GABRA2: variants seen among roughly 807,000 people sequenced by gnomAD.
GABRA2 encodes gamma-aminobutyric acid receptor subunit alpha-2.
In GABRA2, 16 loss-of-function variants were observed where a neutral mutation model predicts 48.7. The observed-to-expected ratio is 0.33, with a 90% confidence interval of 0.22 to 0.50. The LOEUF (loss-of-function observed/expected upper bound fraction) is 0.50, where lower values mean the gene tolerates loss of function less well. GABRA2 is among the 20% of genes least tolerant of loss of function. GABRA2 has a pLI of 0.98. For missense variants in GABRA2, 275 were observed against 535.6 expected (o/e 0.51, Z 4.80); for synonymous variants, 185 against 184.5 (o/e 1.00, Z -0.02).
At chr4:46,265,538 C>A (rs968934008) in intron 8 of GABRA2, among the ~76,000 whole-genome samples, 6 of 138,820 alleles carry the variant, frequency 4.3e-5, no homozygotes, top group Non-Finnish European at 8.9e-5. Flanking sequence ...GTCCCATCTT[C>A]TTTCCTGATT....
At position 46,353,603 on chromosome 4, in the gene GABRA2, C is replaced by T. The variant is rs143600142; in HGVS notation, c.188-20921G>A. On this transcript the variant is annotated intron_variant, in intron 3 of 9. Transcript: ENST00000381620. ...TTTGCCTCCTTTCTCTGGGCATACT[C>T]CTGTTTCACATCTTTTGAACTGAAT... is the stretch of plus-strand genomic sequence containing the variant. Among the ~76,000 whole-genome samples, 1,053 of 152,190 alleles carry T rather than the reference C, an allele frequency of 6.9e-3. 16 individuals are homozygous for T. The highest frequency in any genetic ancestry group is 0.025 in the African/African-American group (1,022 of 41,544).
intron 6 of GABRA2, among the ~76,000 whole-genome samples, chr4:46,309,018 G>A (rs279864): frequency 0.5 from 76,655 of 151,964 alleles, 20,565 homozygotes; most frequent in African/African-American, 0.69. Context: ...TCTCAGCATC[G>A]TGTTTACATT....
intron 3 of GABRA2, among the ~76,000 whole-genome samples, chr4:46,341,937 T>C (rs1733313433): frequency 6.6e-6 from 1 of 152,034 alleles, no homozygotes. Context: ...GAAATAGAGC[T>C]GTCCACAAGA....
intron 5 of GABRA2, among the ~76,000 whole-genome samples, chr4:46,310,843 G>A (rs1180671510): frequency 6.6e-6 from 1 of 152,136 alleles, no homozygotes; most frequent in African/African-American, 2.4e-5. Context: ...AATTACGAAT[G>A]TTAAATATAT....
intron 2 of GABRA2, among the ~76,000 whole-genome samples, chr4:46,387,983 A>G (rs2109386524): frequency 6.6e-6 from 1 of 152,304 alleles, no homozygotes; most frequent in Middle Eastern, 3.4e-3. Context: ...AGCAATAAAA[A>G]TTAATTTCAT....
chr4:46,267,803 A>G (rs1051879337), intron 8 of GABRA2, among the ~76,000 whole-genome samples: 1 of 152,016 alleles, frequency 6.6e-6, no homozygotes, highest in African/African-American at 2.4e-5. Flanking sequence ...TAACAGAATG[A>G]CGATCCCTCA....
chr4:46,304,345 T>C (rs1167209887), intron 7 of GABRA2, among the ~76,000 whole-genome samples: 1 of 152,210 alleles, frequency 6.6e-6, no homozygotes, highest in Non-Finnish European at 1.5e-5. Context: ...CTGTTATATG[T>C]CTGTGCTAAT....
At position 46,389,802 on chromosome 4, in the gene GABRA2, G is replaced by GGGGAGAGAGAGAGAGAGA. The variant is rs1553928580; in HGVS notation, c.-79_-78insTCTCTCTCTCTCTCTCCC. 1.5e-5 allele frequency: 4 copies of GGGGAGAGAGAGAGAGAGA among 268,270 alleles called. No individual in the cohort carries two copies. The highest frequency in any genetic ancestry group is 4.6e-4 in the Admixed American group (1 of 2,182). The allele number at this position is 268,270 out of a possible 1,614,324, so 16.6% of individuals were successfully genotyped here. ...TGATCTTGACGAGATAGGAAACTTGGGAGAGAGAGAGAGAGAGAGAGAGAG... is the reference window on the plus strand; with the variant it reads ...TGATCTTGACGAGATAGGAAACTTGGGGGAGAGAGAGAGAGAGAGAGAGAGAGAGAGAGAGAGAGAGAG... On this transcript the variant is annotated 5_prime_UTR_variant, in exon 1 of 10. Transcript: ENST00000381620.
rs1042793729 is a variant in GABRA2, at chr4:46,246,031, T to G, written c.*4277A>C. On this transcript the variant is annotated 3_prime_UTR_variant, in exon 10 of 10. Transcript: ENST00000381620. Reference sequence around the variant, plus strand: ...GATATATAATATTTATAAGTAGATATTGAATAATTTACCTTCCCAAATGAC... The same window carrying G: ...GATATATAATATTTATAAGTAGATAGTGAATAATTTACCTTCCCAAATGAC... Among the ~76,000 whole-genome samples the G allele has an allele frequency of 6.6e-6, 1 of 151,132 alleles. No individual in the cohort carries two copies. The highest frequency in any genetic ancestry group is 1.5e-5 in the Non-Finnish European group (1 of 67,436).
intron 3 of GABRA2, among the ~76,000 whole-genome samples, chr4:46,352,896 G>A (rs1323783471): frequency 6.6e-6 from 1 of 152,038 alleles, no homozygotes; most frequent in Admixed American, 6.6e-5. Flanking sequence ...CAGCTGTAAA[G>A]GAAAAGAAAT....
At chr4:46,312,372 G>A (rs898850378) in intron 5 of GABRA2, 124 bp downstream of exon 5, 5 of 598,602 alleles carry the variant, frequency 8.4e-6, no homozygotes, top group Admixed American at 3.3e-5. Context: ...CATATTATTG[G>A]TACTTCAATA....
chr4:46,271,878 G>T (rs746987064), intron 8 of GABRA2, among the ~76,000 whole-genome samples: 1 of 151,838 alleles, frequency 6.6e-6, no homozygotes, highest in Non-Finnish European at 1.5e-5. Context: ...ATGTGAAGCT[G>T]CAGAGATATA....
At chr4:46,257,550 G>C (rs960635914) in intron 9 of GABRA2, among the ~76,000 whole-genome samples, 2 of 151,572 alleles carry the variant, frequency 1.3e-5, no homozygotes, top group Non-Finnish European at 3.0e-5. Flanking sequence ...TCACATGGAA[G>C]CAAAAACATA....
intron 8 of GABRA2, among the ~76,000 whole-genome samples, chr4:46,299,371 T>C (rs914092963): frequency 6.6e-6 from 1 of 151,758 alleles, no homozygotes; most frequent in African/African-American, 2.4e-5. Context: ...TGTTTAGTTC[T>C]TTCTAAAATT....
intron 8 of GABRA2, among the ~76,000 whole-genome samples, chr4:46,270,052 C>T (rs902600801): frequency 6.6e-6 from 1 of 151,828 alleles, no homozygotes; most frequent in Non-Finnish European, 1.5e-5. Context: ...TTATGGCAAA[C>T]CGTAAGTTGA....
At chr4:46,257,044 T>C (rs1304809742) in intron 9 of GABRA2, among the ~76,000 whole-genome samples, 12 of 151,676 alleles carry the variant, frequency 7.9e-5, no homozygotes, top group Non-Finnish European at 3.0e-5. Flanking sequence ...ATAAGATATG[T>C]ACTAAATACT....
intron 4 of GABRA2, among the ~76,000 whole-genome samples, chr4:46,322,944 T>A (rs985512704): frequency 6.6e-6 from 1 of 151,954 alleles, no homozygotes; most frequent in Non-Finnish European, 1.5e-5. Context: ...TAGGTAACTA[T>A]GTTAAACTAA....
At chr4:46,297,021 T>C (rs1724848077) in intron 8 of GABRA2, among the ~76,000 whole-genome samples, 1 of 152,198 alleles carries the variant, frequency 6.6e-6, no homozygotes. Context: ...TATTATTGTC[T>C]TTATTTGAAG....
chr4:46,376,745 TCTCCC>T (rs1469150726), intron 3 of GABRA2, among the ~76,000 whole-genome samples: 1 of 144,826 alleles, frequency 6.9e-6, no homozygotes, highest in African/African-American at 2.8e-5. Flanking sequence ...TCCCTCTCCC[TCTCCC>T]TCTCCCTCTC....
Sources: gnomAD v4.1 joint callset for allele counts (sites outside exome capture counted in the v4.1 genomes callset) on GRCh38, gnomAD v4.1.1 for gene constraint, MANE v1.5 for transcripts, NCBI Gene and HGNC (gene_info 2026-07-23, HGNC 2026-07-21) for gene names.